Variants in CTXND1 observed in about 807,000 individuals in gnomAD.
CTXND1 encodes cortexin domain containing 1, also known as cortexin domain-containing 1 protein.
rs1208008572 is a variant in CTXND1, at chr15:80,231,105, A to T, written c.-218+20902T>A. ...TTGCTTAATTTCCAAGCATTTAGAGATTTTTTTTTTTTGGTGTGTGTGTCT... is the reference window on the plus strand; with the variant it reads ...TTGCTTAATTTCCAAGCATTTAGAGTTTTTTTTTTTTTGGTGTGTGTGTCT... On this transcript the variant is annotated intron_variant, in intron 1 of 2. Transcript: ENST00000560778. Among the ~76,000 whole-genome samples the T allele has an allele frequency of 2.7e-5, 4 of 146,344 alleles. No homozygotes were observed. In the East Asian group the frequency reaches 8.0e-4, roughly 29 times the overall value.
Position 80,197,182 on chromosome 15 carries a change from G to C in CTXND1, c.*4588C>G, listed in dbSNP as rs1292427061. 6.6e-6 allele frequency: 1 copy of C among 152,172 alleles called. No individual in the cohort carries two copies. Among genetic ancestry groups the C allele is most frequent in the African/African-American group, 2.4e-5 (1 of 41,416 alleles). 9.4% of individuals were successfully genotyped at this position (152,172 alleles called of 1,614,324 possible). On this transcript the variant is annotated 3_prime_UTR_variant, in exon 3 of 3. Transcript: ENST00000560778. ...AGTGATCCTCCCACCTCAGACTCCT[G>C]AGTAGCTGGGACTATAGGTGTGCAA...
At chr15:80,238,008 CAAAAA>C (rs57718635) in intron 1 of CTXND1, among the ~76,000 whole-genome samples, 1 of 77,136 alleles carries the variant, frequency 1.3e-5, no homozygotes, top group Non-Finnish European at 2.4e-5. Context: ...GACTCCATCT[CAAAAA>C]AAAAAAAAAA....
intron 1 of CTXND1, among the ~76,000 whole-genome samples, chr15:80,209,557 A>G (rs1893183394): frequency 6.6e-6 from 1 of 152,242 alleles, no homozygotes; most frequent in Admixed American, 6.5e-5. Flanking sequence ...GGGCTGACCC[A>G]GTGTACTTGT....
At chr15:80,250,698 C>G (rs562953140) in intron 1 of CTXND1, among the ~76,000 whole-genome samples, 2 of 152,306 alleles carry the variant, frequency 1.3e-5, no homozygotes, top group East Asian at 3.9e-4. Context: ...GCTTTTCCTC[C>G]GTAATGCCTC....
chr15:80,228,873 C>T (rs1893399744), intron 1 of CTXND1, among the ~76,000 whole-genome samples: 1 of 152,088 alleles, frequency 6.6e-6, no homozygotes, highest in Admixed American at 6.5e-5. Context: ...CGTGATCCAC[C>T]TGCCTCGGCC....
At chr15:80,224,901 G>A (rs567106960) in intron 1 of CTXND1, among the ~76,000 whole-genome samples, 19 of 152,298 alleles carry the variant, frequency 1.2e-4, no homozygotes, top group African/African-American at 4.6e-4. Context: ...CCGCCACCAT[G>A]TGGGGCAAAT....
At chr15:80,246,331 T>C (rs572231278) in intron 1 of CTXND1, among the ~76,000 whole-genome samples, 29 of 152,328 alleles carry the variant, frequency 1.9e-4, no homozygotes, top group African/African-American at 6.5e-4. Flanking sequence ...ATTGGAGTAA[T>C]TATGGACTTT....
intron 1 of CTXND1, among the ~76,000 whole-genome samples, chr15:80,248,632 G>A (rs1447654017): frequency 6.6e-6 from 1 of 152,174 alleles, no homozygotes. Flanking sequence ...AGGGAGGTGC[G>A]ACAAATGTAT....
intron 1 of CTXND1, among the ~76,000 whole-genome samples, chr15:80,229,748 CT>C (rs1203126485): frequency 1.3e-5 from 2 of 152,188 alleles, no homozygotes; most frequent in Non-Finnish European, 2.9e-5. Flanking sequence ...GCCATTCTTT[CT>C]TTTTGCAGTC....
intron 1 of CTXND1, among the ~76,000 whole-genome samples, chr15:80,227,904 T>C (rs1893389851): frequency 6.6e-6 from 1 of 152,222 alleles, no homozygotes; most frequent in Non-Finnish European, 1.5e-5. Flanking sequence ...TTATGAAAGA[T>C]TTCTTGCAGC....
chr15:80,243,017 G>C (rs1893588405), intron 1 of CTXND1, among the ~76,000 whole-genome samples: 1 of 152,238 alleles, frequency 6.6e-6, no homozygotes, highest in Non-Finnish European at 1.5e-5. Flanking sequence ...GACTTGATCT[G>C]TGACCACATG....
intron 1 of CTXND1, among the ~76,000 whole-genome samples, chr15:80,206,251 G>A (rs1172434967): frequency 4.6e-5 from 7 of 152,038 alleles, no homozygotes; most frequent in Non-Finnish European, 1.0e-4. Flanking sequence ...TTTCTTAAAA[G>A]GTAAAATTTA....
At chr15:80,243,514 T>C (rs1244616916) in intron 1 of CTXND1, among the ~76,000 whole-genome samples, 1 of 152,174 alleles carries the variant, frequency 6.6e-6, no homozygotes, top group African/African-American at 2.4e-5. Context: ...TCCCAGTAGC[T>C]ATAGCAGATG....
Position 80,198,490 on chromosome 15 carries a change from C to T in CTXND1, c.*3280G>A, listed in dbSNP as rs1281754292. The T allele has an allele frequency of 6.6e-6, 1 of 152,220 alleles. No homozygotes were observed. The highest frequency in any genetic ancestry group is 2.4e-5 in the African/African-American group (1 of 41,438). 9.4% of individuals were successfully genotyped at this position (152,220 alleles called of 1,614,324 possible). On this transcript the variant is annotated 3_prime_UTR_variant, in exon 3 of 3. Coordinates refer to ENST00000560778, the MANE Select transcript of CTXND1 (RefSeq NM_001352888.2). ...TTGCAGATCAGTTTATCTTTCTATC[C>T]ACAACCCCAAAGTTCATCTTAGCTT...
At chr15:80,235,265 T>C (rs1370275033) in intron 1 of CTXND1, among the ~76,000 whole-genome samples, 1 of 152,146 alleles carries the variant, frequency 6.6e-6, no homozygotes, top group Non-Finnish European at 1.5e-5. Flanking sequence ...ACCTAATAGA[T>C]AGCCTGAGCC....
At chr15:80,228,763 G>C (rs1893398737) in intron 1 of CTXND1, among the ~76,000 whole-genome samples, 2 of 151,832 alleles carry the variant, frequency 1.3e-5, no homozygotes, top group Non-Finnish European at 2.9e-5. Context: ...CGAGTAGCTG[G>C]GAATACAGGT....
chr15:80,204,172 ATATATATAT>A (rs1893120841), intron 1 of CTXND1, among the ~76,000 whole-genome samples: 3 of 46,080 alleles, frequency 6.5e-5, no homozygotes, highest in South Asian at 1.2e-3. Context: ...AAAAAAAAAT[ATATATATAT>A]ATATATATAT....
At chr15:80,221,364 A>G (rs992000647) in intron 1 of CTXND1, among the ~76,000 whole-genome samples, 4 of 152,198 alleles carry the variant, frequency 2.6e-5, no homozygotes, top group African/African-American at 9.7e-5. Flanking sequence ...AGGGATGATA[A>G]AGGGCATCCT....
chr15:80,227,232 G>A (rs1893382342), intron 1 of CTXND1, among the ~76,000 whole-genome samples: 1 of 152,052 alleles, frequency 6.6e-6, no homozygotes, highest in African/African-American at 2.4e-5. Flanking sequence ...TAAAAAAAAT[G>A]TGCCTCTGTT....
Sources: allele counts gnomAD v4.1 joint callset (sites outside exome capture counted in the v4.1 genomes callset), GRCh38; gene constraint gnomAD v4.1.1; transcripts MANE v1.5; gene names NCBI Gene and HGNC (gene_info 2026-07-23, HGNC 2026-07-21).